The following NCOA2 variants were observed in gnomAD, a reference collection of about 807,000 sequenced individuals.
NCOA2 encodes the protein class E basic helix-loop-helix protein 75.
Under a neutral mutation model 145.1 loss-of-function variants are expected in NCOA2, and 21 were observed. That is an observed-to-expected ratio of 0.14 (90% confidence interval 0.10 to 0.21). NCOA2 has a LOEUF of 0.21. Among genes scored for constraint, NCOA2 ranks in the 10% least tolerant of loss-of-function variants. NCOA2 has a pLI of 1.00. For missense variants in NCOA2, 1,472 were observed against 1,837.6 expected, an observed-to-expected ratio of 0.80 and a Z score of 3.64; for synonymous variants, 619 against 637.5, an observed-to-expected ratio of 0.97 and a Z score of 0.44.
At chr8:70,455,343 T>A in the NCOA2 span, among the ~76,000 whole-genome samples, 1 of 152,146 alleles carries the variant, frequency 6.6e-6, no homozygotes, top group African/African-American at 2.4e-5. Context: ...TTCCCTCCTA[T>A]CGGAAAGGGA....
chr8:70,197,531 A>C (rs1271993390), intron 4 of NCOA2, among the ~76,000 whole-genome samples: 2 of 152,254 alleles, frequency 1.3e-5, no homozygotes, highest in South Asian at 4.1e-4. Context: ...CGACAGGGAC[A>C]GTGCTTTACA....
intron 1 of NCOA2, among the ~76,000 whole-genome samples, chr8:70,355,906 A>G: frequency 6.6e-6 from 1 of 152,168 alleles, no homozygotes; most frequent in Non-Finnish European, 1.5e-5. Context: ...TTCTACTTAT[A>G]TATTACATAA....
At chr8:70,182,097 A>C (rs1815547559) in intron 4 of NCOA2, among the ~76,000 whole-genome samples, 1 of 152,236 alleles carries the variant, frequency 6.6e-6, no homozygotes. Context: ...TAAAAACACA[A>C]GGCCCTTCCT....
intron 22 of NCOA2, among the ~76,000 whole-genome samples, chr8:70,119,427 T>C (rs1807527095): frequency 6.6e-6 from 1 of 152,236 alleles, no homozygotes; most frequent in African/African-American, 2.4e-5. Context: ...CTACTGTGTA[T>C]ATGTACCACA....
At chr8:70,309,140 AAG>A (rs1828109664) in intron 1 of NCOA2, among the ~76,000 whole-genome samples, 1 of 152,130 alleles carries the variant, frequency 6.6e-6, no homozygotes, top group Non-Finnish European at 1.5e-5. Context: ...CATATGAAAA[AAG>A]AGAATTAAAT....
intron 15 of NCOA2, among the ~76,000 whole-genome samples, chr8:70,135,413 A>C (rs949124870): frequency 6.6e-6 from 1 of 152,218 alleles, no homozygotes; most frequent in Non-Finnish European, 1.5e-5. Context: ...TAAACACAGT[A>C]TAGGTGCAGT....
In NCOA2 at chr8:70,121,359, C is replaced by G; in HGVS notation, c.4326G>C (p.Leu1442=). 1 of 1,612,768 alleles carries G rather than the reference C, an allele frequency of 6.2e-7. No homozygotes were observed. Among genetic ancestry groups the G allele is most frequent in the African/African-American group, 1.3e-5 (1 of 75,032 alleles). ...VNDPALRGGN[L]FPNQLPGMDM... is the part of the protein sequence containing the mutation. ...CCATTCCAGGCAGCTGGTTTGGGAA[C>G]AGGTTGCCTCCCCTCAGAGCAGGAT... The change falls in exon 22 of 23, where the codon CTG becomes CTC. Residue 1442 remains leucine, a synonymous_variant. Transcript: ENST00000452400.
intron 1 of NCOA2, among the ~76,000 whole-genome samples, chr8:70,398,584 A>C (rs1813914049): frequency 6.6e-6 from 1 of 152,236 alleles, no homozygotes; most frequent in Non-Finnish European, 1.5e-5. Flanking sequence ...TAACAGGCTA[A>C]TTTCAATTCT....
chr8:70,418,739 C>T, the NCOA2 span, among the ~76,000 whole-genome samples: 1 of 152,114 alleles, frequency 6.6e-6, no homozygotes, highest in Non-Finnish European at 1.5e-5. Context: ...TATTATAGAC[C>T]ACTTTGCTCA....
At chr8:70,379,782 C>A (rs1402383018) in intron 1 of NCOA2, among the ~76,000 whole-genome samples, 1 of 151,746 alleles carries the variant, frequency 6.6e-6, no homozygotes, top group African/African-American at 2.4e-5. Flanking sequence ...AGAGTCTTGT[C>A]CTTATCCTAT....
intron 4 of NCOA2, among the ~76,000 whole-genome samples, chr8:70,183,320 A>G (rs1314258770): frequency 6.6e-6 from 1 of 152,232 alleles, no homozygotes; most frequent in East Asian, 1.9e-4. Context: ...AAATTATAAA[A>G]AAGTTCTATT....
At chr8:70,366,739 C>CT (rs201613522) in intron 1 of NCOA2, among the ~76,000 whole-genome samples, 3 of 132,620 alleles carry the variant, frequency 2.3e-5, no homozygotes, top group Non-Finnish European at 3.1e-5. Context: ...CAGCCATTGG[C>CT]TTTAAAAAAA....
chr8:70,329,833 A>G (rs1232941679), intron 1 of NCOA2, among the ~76,000 whole-genome samples: 3 of 152,250 alleles, frequency 2.0e-5, no homozygotes, highest in East Asian at 3.8e-4. Context: ...TACGTCTTAT[A>G]TGATTCAACT....
At chr8:70,209,074 T>C (rs926624656) in intron 4 of NCOA2, among the ~76,000 whole-genome samples, 2 of 152,154 alleles carry the variant, frequency 1.3e-5, no homozygotes, top group Non-Finnish European at 2.9e-5. Flanking sequence ...CATGATTCCA[T>C]GGGAGGAGGT....
chr8:70,326,913 A>C (rs1217794195), intron 1 of NCOA2, among the ~76,000 whole-genome samples: 2 of 152,214 alleles, frequency 1.3e-5, no homozygotes, highest in African/African-American at 4.8e-5. Flanking sequence ...CAGCTACCTT[A>C]CTGTGGTTCT....
At chr8:70,252,527 T>C (rs920087270) in intron 2 of NCOA2, among the ~76,000 whole-genome samples, 1 of 152,240 alleles carries the variant, frequency 6.6e-6, no homozygotes, top group Non-Finnish European at 1.5e-5. Flanking sequence ...TCCTTAACTC[T>C]GGTGGGTTAA....
At chr8:70,287,858 T>C (rs1355374047) in intron 2 of NCOA2, among the ~76,000 whole-genome samples, 1 of 152,316 alleles carries the variant, frequency 6.6e-6, no homozygotes, top group Admixed American at 6.5e-5. Flanking sequence ...GCCTTACCTA[T>C]AATGACAAAG....
At position 70,253,989 on chromosome 8, in the gene NCOA2, A is replaced by G. The variant is rs530523981; in HGVS notation, c.-19-37225T>C. Among the ~76,000 whole-genome samples the G allele has an allele frequency of 9.8e-5, 15 of 152,314 alleles. No individual in the cohort carries two copies. The South Asian group carries it at 2.5e-3, about 25-fold the overall frequency. ...GACAGGCAAAAAAACTGCAAACCGT[A>G]TATTTGATAAGGGATTGACATCCAG... On this transcript the variant is annotated intron_variant, in intron 2 of 22. Transcript: ENST00000452400.
rs746693786 is a variant in NCOA2, at chr8:70,124,668, G to A, written c.4094+20C>T. On this transcript the variant is annotated intron_variant, in intron 20 of 22. Transcript: ENST00000452400. ...AGCTGTCACAGTGGCGGTATGAAAA[G>A]GAGAAGGATTTGCGGTTACCTGTTT... 3.2e-6 allele frequency: 5 copies of A among 1,580,336 alleles called. No homozygotes were observed. The African/African-American group carries it at 4.1e-5, about 13-fold the overall frequency.
Sources: gnomAD v4.1 joint callset for allele counts (sites outside exome capture counted in the v4.1 genomes callset) on GRCh38, gnomAD v4.1.1 for gene constraint, MANE v1.5 for transcripts, NCBI Gene and HGNC (gene_info 2026-07-23, HGNC 2026-07-21) for gene names.